Variants in GPC3 observed in about 807,000 individuals in gnomAD.
GPC3 encodes the protein glypican 3.
In GPC3, 3 loss-of-function variants were observed where a neutral mutation model predicts 34.4. That is an observed-to-expected ratio of 0.09 (90% CI 0.04 to 0.23). The LOEUF (loss-of-function observed/expected upper bound fraction) is 0.23, where lower values mean the gene tolerates loss of function less well. Among genes scored for constraint, GPC3 ranks in the 10% least tolerant of loss-of-function variants. The pLI, the probability that GPC3 is intolerant of heterozygous loss-of-function variation, is 1.00. For missense variants in GPC3, 351 were observed against 445.6 expected, an observed-to-expected ratio of 0.79 and a Z score of 1.91; for synonymous variants, 177 against 174.0, an observed-to-expected ratio of 1.02 and a Z score of -0.13.
At chrX:133,840,718 T>C (rs988497747) in intron 2 of GPC3, among the ~76,000 whole-genome samples, 1 of 111,301 alleles carries the variant, frequency 9.0e-6, no homozygotes, top group African/African-American at 3.3e-5. Flanking sequence ...CAGGGCATTA[T>C]ATAGACAGAG....
intron 5 of GPC3, among the ~76,000 whole-genome samples, chrX:133,676,205 A>G: frequency 8.9e-6 from 1 of 112,524 alleles, no homozygotes; most frequent in South Asian, 3.7e-4. Flanking sequence ...GTCCAAGAAC[A>G]CTGGCTGGTC....
In GPC3 at chrX:133,968,939, G is replaced by A. The variant is rs184425475; in HGVS notation, c.176-15728C>T. Among the ~76,000 whole-genome samples the A allele has an allele frequency of 1.0e-3, 114 of 110,710 alleles. 1 individual carries two copies. In the East Asian group the frequency reaches 0.03, roughly 29 times the overall value. On this transcript the variant is annotated intron_variant, in intron 1 of 7. Coordinates refer to ENST00000370818, the MANE Select transcript of GPC3 (RefSeq NM_004484.4). ...CATGATTTTCCAAGAAATATAACAAGGCTATTAAAAACCCTAAATTAAATT... is the reference window on the plus strand; with the variant it reads ...CATGATTTTCCAAGAAATATAACAAAGCTATTAAAAACCCTAAATTAAATT...
chrX:133,855,431 G>A (rs1309944062), intron 2 of GPC3, among the ~76,000 whole-genome samples: 1 of 109,175 alleles, frequency 9.2e-6, no homozygotes, highest in Non-Finnish European at 1.9e-5. Context: ...CTCCCAAAGT[G>A]CTGAGACTAC....
intron 5 of GPC3, among the ~76,000 whole-genome samples, chrX:133,663,654 T>C (rs918993043): frequency 3.6e-5 from 4 of 111,686 alleles, no homozygotes; most frequent in Non-Finnish European, 1.9e-5. Context: ...TAGGCTGTGC[T>C]CTGGAAGTAT....
intron 3 of GPC3, among the ~76,000 whole-genome samples, chrX:133,747,413 T>C (rs2071621779): frequency 8.9e-6 from 1 of 111,918 alleles, no homozygotes; most frequent in African/African-American, 3.3e-5. Context: ...TGCCTTTTAG[T>C]ACTTCATTGG....
chrX:133,625,191 A>T (rs2070285686), intron 6 of GPC3, among the ~76,000 whole-genome samples: 1 of 111,873 alleles, frequency 8.9e-6, no homozygotes, highest in South Asian at 3.8e-4. Flanking sequence ...TATTGATGGC[A>T]AACCCACAGC....
intron 2 of GPC3, among the ~76,000 whole-genome samples, chrX:133,846,498 T>C (rs1297790730): frequency 9.0e-6 from 1 of 111,459 alleles, no homozygotes; most frequent in Non-Finnish European, 1.9e-5. Context: ...TATTCCCCAC[T>C]ACTCTTTCCA....
chrX:133,782,310 T>TA (rs2072055554), intron 2 of GPC3, among the ~76,000 whole-genome samples: 1 of 112,038 alleles, frequency 8.9e-6, no homozygotes, highest in Non-Finnish European at 1.9e-5. Context: ...GAAAGCGTAA[T>TA]AGAAAGGTGA....
rs1452740119 is a variant in GPC3 at position 133,955,271 on chromosome X, G to C, written c.176-2060C>G. On this transcript the variant is annotated intron_variant, in intron 1 of 7. Transcript: ENST00000370818. ...GTAACCCAGGACTTTGCTCACAGGG[G>C]ACTTTGGCTTGAGGACTCCCCATTG... 4.5e-5 allele frequency among the ~76,000 whole-genome samples: 5 copies of C among 111,081 alleles called. No homozygotes were observed. The East Asian group carries it at 1.4e-3, about 32-fold the overall frequency.
chrX:133,961,927 A>C (rs770396862), intron 1 of GPC3, among the ~76,000 whole-genome samples: 2 of 112,106 alleles, frequency 1.8e-5, no homozygotes, highest in South Asian at 7.5e-4. Flanking sequence ...CAAGTCCCAG[A>C]GAAATATTTC....
intron 3 of GPC3, among the ~76,000 whole-genome samples, chrX:133,702,643 G>A (rs189541648): frequency 1.1e-4 from 12 of 111,523 alleles, no homozygotes; most frequent in Non-Finnish European, 2.3e-4. Context: ...TGAGGCAAAA[G>A]TAGGAAGGTT....
chrX:133,867,146 C>T (rs1426780791), intron 2 of GPC3, among the ~76,000 whole-genome samples: 2 of 109,411 alleles, frequency 1.8e-5, no homozygotes, highest in African/African-American at 6.7e-5. Context: ...TGCAGTGAGC[C>T]GAGATCATGC....
At chrX:133,718,727 A>G (rs2071335985) in intron 3 of GPC3, among the ~76,000 whole-genome samples, 1 of 111,612 alleles carries the variant, frequency 9.0e-6, no homozygotes, top group Admixed American at 9.6e-5. Context: ...AGATTCAAAG[A>G]CACAAATACG....
intron 1 of GPC3, among the ~76,000 whole-genome samples, chrX:133,981,039 G>A (rs1203975941): frequency 1.8e-5 from 2 of 112,535 alleles, no homozygotes; most frequent in East Asian, 2.8e-4. Context: ...TTCTTCTTAT[G>A]TCTGTATTTC....
intron 3 of GPC3, among the ~76,000 whole-genome samples, chrX:133,703,895 C>T (rs1054423306): frequency 8.9e-6 from 1 of 112,055 alleles, no homozygotes; most frequent in Non-Finnish European, 1.9e-5. Context: ...CTTTTGGCTT[C>T]CCTGGGCCAC....
At chrX:133,662,566 T>A (rs997155047) in intron 5 of GPC3, among the ~76,000 whole-genome samples, 1 of 112,451 alleles carries the variant, frequency 8.9e-6, no homozygotes, top group African/African-American at 3.2e-5. Flanking sequence ...TACTAGGCAA[T>A]TCTGCCTTCC....
intron 7 of GPC3, among the ~76,000 whole-genome samples, chrX:133,588,824 A>G (rs750926727): frequency 8.9e-6 from 1 of 112,289 alleles, no homozygotes; most frequent in Non-Finnish European, 1.9e-5. Context: ...ATTATAAAGT[A>G]ACTATAAAAA....
At chrX:133,836,936 C>T (rs1844758795) in intron 2 of GPC3, among the ~76,000 whole-genome samples, 2 of 111,741 alleles carry the variant, frequency 1.8e-5, no homozygotes, top group Non-Finnish European at 3.8e-5. Context: ...CACTGAGTGA[C>T]TTCGTTCTGG....
Position 133,707,493 on chromosome X carries a change from G to T in GPC3, c.1033-7465C>A, listed in dbSNP as rs746614482. Among the ~76,000 whole-genome samples the T allele has an allele frequency of 5.4e-5, 6 of 111,486 alleles. No individual in the cohort carries two copies. The East Asian group carries it at 1.7e-3, about 31-fold the overall frequency. Reference sequence around the variant, plus strand: ...GAGAAAACCCAGATCAATATTCTGGGTTTAACAACGATGAGAGATTCAACA... The same window carrying T: ...GAGAAAACCCAGATCAATATTCTGGTTTTAACAACGATGAGAGATTCAACA... On this transcript the variant is annotated intron_variant, in intron 3 of 7. Transcript: ENST00000370818.
Sources: gnomAD v4.1 joint callset for allele counts (sites outside exome capture counted in the v4.1 genomes callset) on GRCh38, gnomAD v4.1.1 for gene constraint, MANE v1.5 for transcripts, NCBI Gene and HGNC (gene_info 2026-07-23, HGNC 2026-07-21) for gene names.